The following CIT variants were observed in gnomAD, a reference collection of about 807,000 sequenced individuals.
CIT encodes citron rho-interacting serine/threonine kinase.
In CIT, 79 loss-of-function variants were observed where a neutral mutation model predicts 272.7. That is an observed-to-expected ratio of 0.29 (90% confidence interval 0.24 to 0.35). The LOEUF (loss-of-function observed/expected upper bound fraction) is 0.35, where lower values mean the gene tolerates loss of function less well. CIT is among the 10% of genes least tolerant of loss of function. CIT has a pLI of 1.00. For missense variants in CIT, 1,909 were observed against 2,618.3 expected, an observed-to-expected ratio of 0.73 and a Z score of 5.91; for synonymous variants, 948 against 995.6, an observed-to-expected ratio of 0.95 and a Z score of 0.90.
At chr12:119,771,788 G>A (rs1024176705) in intron 17 of CIT, among the ~76,000 whole-genome samples, 1 of 152,184 alleles carries the variant, frequency 6.6e-6, no homozygotes, top group Non-Finnish European at 1.5e-5. Flanking sequence ...TGGGAAGCAG[G>A]AGATGAACAG....
chr12:119,805,787 C>T (rs1423394221), intron 9 of CIT, among the ~76,000 whole-genome samples: 1 of 152,076 alleles, frequency 6.6e-6, no homozygotes, highest in Non-Finnish European at 1.5e-5. Context: ...TGCTCAAAGC[C>T]AGCTTAATGC....
chr12:119,755,924 C>G (rs914764170), intron 22 of CIT, among the ~76,000 whole-genome samples: 1 of 152,210 alleles, frequency 6.6e-6, no homozygotes, highest in Non-Finnish European at 1.5e-5. Flanking sequence ...ACCTCTGCCA[C>G]CAGCACTGGG....
At chr12:119,706,689 T>C (rs1030593061) in intron 40 of CIT, among the ~76,000 whole-genome samples, 1 of 152,236 alleles carries the variant, frequency 6.6e-6, no homozygotes, top group Non-Finnish European at 1.5e-5. Context: ...AGTCTACCAT[T>C]GATGGGCATT....
In CIT at chr12:119,694,676, C is replaced by T. The variant is rs922829824; in HGVS notation, c.5882+2983G>A. On this transcript the variant is annotated intron_variant, in intron 46 of 47. Transcript: ENST00000392521. The surrounding 1 kb of genome is among the most constrained non-coding windows in gnomAD (Gnocchi z 4.5). ...AAAATTAGCCAGGTGTGGTGGCGGG[C>T]GCCTGTAGTCCCAGCTACTCGGGGG... 1.3e-5 allele frequency among the ~76,000 whole-genome samples: 2 copies of T among 151,770 alleles called. No individual in the cohort carries two copies. The highest frequency in any genetic ancestry group is 2.9e-5 in the Non-Finnish European group (2 of 67,962).
chr12:119,803,143 A>T (rs1225456450), intron 10 of CIT, 63 bp downstream of exon 10: 1 of 90,508 alleles, frequency 1.1e-5, no homozygotes, highest in Non-Finnish European at 2.3e-5. Context: ...CCCCACCACC[A>T]CCTTTGGCTC....
intron 9 of CIT, among the ~76,000 whole-genome samples, chr12:119,814,360 C>T (rs923639927): frequency 3.9e-5 from 6 of 152,198 alleles, no homozygotes; most frequent in Non-Finnish European, 7.3e-5. Context: ...CTACATATCC[C>T]ATAAGAGATT....
chr12:119,723,238 T>G (rs1305033435), intron 28 of CIT, among the ~76,000 whole-genome samples: 2 of 152,086 alleles, frequency 1.3e-5, no homozygotes, highest in Non-Finnish European at 2.9e-5. Context: ...TTCTTCCCAC[T>G]ATTTTAGGAC....
intron 1 of CIT, among the ~76,000 whole-genome samples, chr12:119,877,017 G>C (rs866008539): frequency 6.6e-6 from 1 of 152,336 alleles, no homozygotes; most frequent in Middle Eastern, 3.4e-3. Flanking sequence ...TTTAGGGGAG[G>C]AGCAAGCCTC....
Position 119,712,198 on chromosome 12 carries a change from C to G in CIT, c.4834G>C (p.Glu1612Gln). 6.2e-7 allele frequency: 1 copy of G among 1,602,212 alleles called. No individual in the cohort carries two copies. The highest frequency in any genetic ancestry group is 8.5e-7 in the Non-Finnish European group (1 of 1,174,392). The change falls in exon 37 of 48, where the codon GAA (glutamate) becomes CAA (glutamine). Residue 1612 changes from glutamate (E) to glutamine (Q), a missense_variant. Around this residue, in one of 8 missense-constraint regions of CIT, gnomAD observed 780 missense variants for 1,067.2 expected, o/e 0.73. Coordinates refer to ENST00000392521, the MANE Select transcript of CIT (RefSeq NM_001206999.2). The surrounding 1 kb of genome is among the most constrained non-coding windows in gnomAD (Gnocchi z 5.2). ...SVVAGGRVSR[E>Q]KAEADAKLLG... ...CTCACAGCATCAGCTTCTGCTTTTT[C>G]CCTAGAAACTCTCCCACCTGCGACA...
At chr12:119,825,877 G>A (rs1020639924) in intron 7 of CIT, among the ~76,000 whole-genome samples, 2 of 152,304 alleles carry the variant, frequency 1.3e-5, no homozygotes, top group South Asian at 4.2e-4. Context: ...AGACCAGCAT[G>A]GCCAACATGG....
At position 119,825,193 on chromosome 12, in the gene CIT, C is replaced by G. The variant is rs145657359; in HGVS notation, c.929G>C (p.Arg310Thr). The change falls in exon 8 of 48, where the codon AGA becomes ACA. Residue 310 changes from arginine (R) to threonine (T), a missense_variant. Coordinates refer to ENST00000392521, the MANE Select transcript of CIT (RefSeq NM_001206999.2). ...GAAATTCATAATGTTATTGAAGGTT[C>G]TGGCAGAGGTTCCCTCTGCGAAGGG... The part of the protein sequence containing the change: ...RSPFAEGTSA[R>T]TFNNIMNFQR... The G allele has an allele frequency of 2.9e-5, 47 of 1,613,912 alleles. No individual in the cohort carries two copies. Among genetic ancestry groups the G allele is most frequent in the Non-Finnish European group, 3.9e-5 (46 of 1,179,894 alleles).
chr12:119,733,301 A>G (rs1303406206), intron 26 of CIT, among the ~76,000 whole-genome samples: 1 of 152,024 alleles, frequency 6.6e-6, no homozygotes, highest in Non-Finnish European at 1.5e-5. Flanking sequence ...AGACCAAGGC[A>G]GGTGGATCAC....
At chr12:119,857,387 TGCCCCAAC>T in intron 4 of CIT, 128 bp downstream of exon 4, 3 of 821,942 alleles carry the variant, frequency 3.6e-6, no homozygotes, top group Admixed American at 2.9e-5. Context: ...GAGACCTTTT[TGCCCCAAC>T]TATAATTAAA....
intron 18 of CIT, 144 bp from the exon 19 acceptor site, chr12:119,767,326 G>C (rs775167538): frequency 1.7e-6 from 1 of 602,698 alleles, no homozygotes; most frequent in Non-Finnish European, 2.8e-6. Context: ...AAGGCTCTTG[G>C]GAAGGAAACC....
At chr12:119,719,031 GC>G in intron 30 of CIT, 170 bp from the exon 31 acceptor site, 1 of 638,666 alleles carries the variant, frequency 1.6e-6, no homozygotes, top group East Asian at 2.8e-5. Flanking sequence ...CTGAGCCACA[GC>G]CCGTTCCAGC....
Position 119,857,597 on chromosome 12 carries a change from C to A in CIT, c.340G>T (p.Val114Leu). 1 of 1,614,174 alleles carries A rather than the reference C, an allele frequency of 6.2e-7. No individual in the cohort carries two copies. The highest frequency in any genetic ancestry group is 8.5e-7 in the Non-Finnish European group (1 of 1,180,030). ...GCGHFAEVQV[V>L]REKATGDIYA... is the part of the protein sequence containing the mutation. ...ATGTCCCCGGTTGCTTTCTCTCTTACCACCTGCACTTCAGCAAAGTGACCA... is the reference window on the plus strand; with the variant it reads ...ATGTCCCCGGTTGCTTTCTCTCTTAACACCTGCACTTCAGCAAAGTGACCA... Residue 114 changes from valine (V) to leucine (L), a missense_variant, in exon 4 of 48, where the codon GTA becomes TTA. Val to Leu is a conservative substitution (Grantham distance 32, BLOSUM62 1). This residue lies in a region of CIT where 529 missense variants were observed against 549.6 expected (regional missense o/e 0.96). Transcript: ENST00000392521.
chr12:119,872,855 G>A (rs1234798418), intron 2 of CIT, among the ~76,000 whole-genome samples: 9 of 152,222 alleles, frequency 5.9e-5, no homozygotes, highest in African/African-American at 1.7e-4. Context: ...GGAGTGCAGT[G>A]TTGCAATCTC....
rs554293275 is a variant in CIT at position 119,712,564 on chromosome 12, G to C, written c.4684+27C>G. 22 of 1,606,436 alleles carry C rather than the reference G, an allele frequency of 1.4e-5. No individual in the cohort carries two copies. The South Asian group carries it at 1.5e-4, about 11-fold the overall frequency. On this transcript the variant is annotated intron_variant, in intron 36 of 47. Coordinates refer to ENST00000392521, the MANE Select transcript of CIT (RefSeq NM_001206999.2). This position sits in a 1 kb window ranked among gnomAD's most constrained non-coding sequence, Gnocchi z 5.2. ...TTGGCCAAGCCCGGCCCACCTCCAG[G>C]GCGGGGCTCCTCCGGCTCCTCCTCA...
intron 5 of CIT, among the ~76,000 whole-genome samples, chr12:119,847,752 G>A (rs532855373): frequency 9.2e-5 from 14 of 151,864 alleles, no homozygotes; most frequent in Admixed American, 2.6e-4. Flanking sequence ...TTAGCAGGGC[G>A]TGGTGTCATG....
Sources: gnomAD v4.1 joint callset for allele counts (sites outside exome capture counted in the v4.1 genomes callset) on GRCh38, gnomAD v4.1.1 for gene constraint, gnomAD v4.1.1 regional missense constraint, Gnocchi (gnomAD v3.1) non-coding constraint, MANE v1.5 for transcripts, NCBI Gene and HGNC (gene_info 2026-07-23, HGNC 2026-07-21) for gene names.